The following ZDHHC20 variants were observed in gnomAD, a reference collection of about 807,000 sequenced individuals.
The protein encoded by ZDHHC20 is zDHHC palmitoyltransferase 20.
A neutral mutation model predicts 57.8 loss-of-function variants in ZDHHC20; 43 were observed. That is an observed-to-expected ratio of 0.74 (90% CI 0.58 to 0.96). ZDHHC20 has a LOEUF of 0.96. Ranked by LOEUF, ZDHHC20 falls within the 40% of genes least tolerant of loss-of-function variation. The pLI is 0.00. For missense variants in ZDHHC20, 391 were observed against 441.1 expected (o/e 0.89, Z 1.02); for synonymous variants, 157 against 153.0 (o/e 1.03, Z -0.19).
intron 3 of ZDHHC20, among the ~76,000 whole-genome samples, chr13:21,416,794 C>G (rs1395693837): frequency 6.6e-6 from 1 of 152,132 alleles, no homozygotes; most frequent in Non-Finnish European, 1.5e-5. Context: ...GAAAATAGTA[C>G]AGTATATTCA....
intron 1 of ZDHHC20, among the ~76,000 whole-genome samples, chr13:21,448,400 C>T (rs1593283622): frequency 1.7e-5 from 2 of 114,948 alleles, no homozygotes; most frequent in African/African-American, 5.9e-5. Flanking sequence ...CCAGCCGCCC[C>T]GTCCGGGAGG....
At chr13:21,378,762 A>G in intron 11 of ZDHHC20, 24 bp from the exon 12 acceptor site, 2 of 1,164,198 alleles carry the variant, frequency 1.7e-6, no homozygotes, top group South Asian at 2.3e-5. Context: ...ATTATATATG[A>G]CATGACAAAA....
In ZDHHC20 at chr13:21,416,545, C is replaced by T. The variant is rs1469732096; in HGVS notation, c.250-2773G>A. On this transcript the variant is annotated intron_variant, in intron 3 of 12. Transcript: ENST00000400590. ...CCTTCAAAAAGTATATTTCTATAGT[C>T]TAGTAAGAGAGCCATATAAACAAAG... Among the ~76,000 whole-genome samples, 3 of 152,040 alleles carry T rather than the reference C, an allele frequency of 2.0e-5. No individual in the cohort carries two copies. The East Asian group carries it at 5.8e-4, about 29-fold the overall frequency.
At chr13:21,404,385 A>G (rs1357561499) in intron 4 of ZDHHC20, 10 of 469,066 alleles carry the variant, frequency 2.1e-5, no homozygotes, top group South Asian at 1.4e-4. Context: ...GATCTTTCAA[A>G]CTCAATTTGT....
chr13:21,425,416 T>C (rs1881140224), intron 2 of ZDHHC20, among the ~76,000 whole-genome samples: 1 of 152,078 alleles, frequency 6.6e-6, no homozygotes, highest in African/African-American at 2.4e-5. Flanking sequence ...GTACTAGGTG[T>C]TGTACAAAAT....
At chr13:21,390,665 C>T (rs529245789) in intron 8 of ZDHHC20, among the ~76,000 whole-genome samples, 5 of 152,046 alleles carry the variant, frequency 3.3e-5, no homozygotes, top group South Asian at 2.1e-4. Flanking sequence ...TTTGGGAGGC[C>T]GAAGTGGGAG....
In ZDHHC20 at chr13:21,387,507, C is replaced by T. The variant is rs755949841; in HGVS notation, c.854+1G>A. ...TCTGAGACCCACATTTTATAAATTA[C>T]CTTGAAAATATTGGAAGTAGCCAAT... On this transcript the variant is annotated splice_donor_variant, in intron 9 of 12. Transcript: ENST00000400590. LOFTEE classifies it high-confidence loss of function. 8.6e-6 allele frequency: 13 copies of T among 1,517,302 alleles called. No individual in the cohort carries two copies. The highest frequency in any genetic ancestry group is 1.2e-5 in the Non-Finnish European group (13 of 1,130,366). 94.0% of individuals were successfully genotyped at this position (1,517,302 alleles called of 1,614,324 possible). A position where few individuals can be genotyped will look rare whatever the true frequency, so the allele number is the denominator to read the frequency against.
chr13:21,410,878 C>T (rs1879114127), intron 4 of ZDHHC20, among the ~76,000 whole-genome samples: 1 of 152,178 alleles, frequency 6.6e-6, no homozygotes, highest in South Asian at 2.1e-4. Context: ...ACAGTTCTGT[C>T]TTGCTGGCGT....
rs533009336 is a variant in ZDHHC20 at position 21,433,986 on chromosome 13, T to G, written c.119-8308A>C. ...TTTTTTATTGACCTTGTATGCTGGC[T>G]CAATTCACTTTTCGGTTCTAGTAGC... On this transcript the variant is annotated intron_variant, in intron 1 of 12. Coordinates refer to ENST00000400590, the MANE Select transcript of ZDHHC20 (RefSeq NM_001330059.2). Among the ~76,000 whole-genome samples the G allele has an allele frequency of 1.3e-4, 20 of 152,316 alleles. No individual in the cohort carries two copies. In the South Asian group the frequency reaches 1.9e-3, roughly 14 times the overall value.
Position 21,456,677 on chromosome 13 carries a change from G to A in ZDHHC20, c.118+2377C>T, listed in dbSNP as rs200408175. ...CCCAAATTCTCTCTAGTTAAAATGA[G>A]ATAACTCAGAAGTTAATACAGCCTC... On this transcript the variant is annotated intron_variant, in intron 1 of 12. Coordinates refer to ENST00000400590, the MANE Select transcript of ZDHHC20 (RefSeq NM_001330059.2). Among the ~76,000 whole-genome samples the A allele has an allele frequency of 3.9e-5, 6 of 152,258 alleles. No individual in the cohort carries two copies. In the East Asian group the frequency reaches 1.2e-3, roughly 29 times the overall value.
At chr13:21,393,025 C>G (rs1409610774) in intron 7 of ZDHHC20, among the ~76,000 whole-genome samples, 1 of 152,112 alleles carries the variant, frequency 6.6e-6, no homozygotes, top group African/African-American at 2.4e-5. Context: ...TATTAAGAAA[C>G]CAATTTTTAT....
chr13:21,373,603 G>A lies in ZDHHC20; in HGVS notation c.*3093C>T, dbSNP rs1186182029. 6.6e-6 allele frequency: 1 copy of A among 152,200 alleles called. No homozygotes were observed. The highest frequency in any genetic ancestry group is 2.4e-5 in the African/African-American group (1 of 41,450). The allele number at this position is 152,200 out of a possible 1,614,324, so 9.4% of individuals were successfully genotyped here. The stretch of plus-strand genomic sequence containing the variant: ...GAATATTCAAGTAAATTTGTTCCCA[G>A]GTAAACCAAGTCTCCTAATTTGTCT... On this transcript the variant is annotated 3_prime_UTR_variant, in exon 13 of 13. Coordinates refer to ENST00000400590, the MANE Select transcript of ZDHHC20 (RefSeq NM_001330059.2).
rs756754564 is a variant in ZDHHC20 at position 21,376,410 on chromosome 13, GGTAA to G, written c.*282_*285del. 1 of 294,178 alleles carries G rather than the reference GGTAA, an allele frequency of 3.4e-6. No homozygotes were observed. Among genetic ancestry groups the G allele is most frequent in the Non-Finnish European group, 6.4e-6 (1 of 155,572 alleles). The allele number at this position is 294,178 out of a possible 1,614,324, so 18.2% of individuals were successfully genotyped here. On this transcript the variant is annotated 3_prime_UTR_variant, in exon 13 of 13. Transcript: ENST00000400590. ...GCTCATATTATAGCAACTCATAACAGGTAAGTATTATTTCCAGAATAACATTAAG... is the reference window on the plus strand; with the variant it reads ...GCTCATATTATAGCAACTCATAACAGGTATTATTTCCAGAATAACATTAAG...
intron 1 of ZDHHC20, among the ~76,000 whole-genome samples, chr13:21,434,495 AAAAT>A (rs764285804): frequency 3.9e-5 from 6 of 152,372 alleles, no homozygotes; most frequent in Non-Finnish European, 8.8e-5. Flanking sequence ...GGTCCACAAG[AAAAT>A]AAATATTTAA....
At chr13:21,413,290 T>C (rs1879482050) in intron 4 of ZDHHC20, among the ~76,000 whole-genome samples, 1 of 152,112 alleles carries the variant, frequency 6.6e-6, no homozygotes, top group Non-Finnish European at 1.5e-5. Context: ...AGCACACTTT[T>C]GGATTTTTTT....
intron 8 of ZDHHC20, among the ~76,000 whole-genome samples, 165 bp downstream of exon 8, chr13:21,391,557 C>T (rs1471523463): frequency 4.7e-5 from 7 of 150,350 alleles, no homozygotes; most frequent in Admixed American, 4.6e-4. Context: ...GGGGATTCTC[C>T]CGCCTCTGTC....
At chr13:21,389,494 T>C (rs1875245887) in intron 8 of ZDHHC20, among the ~76,000 whole-genome samples, 1 of 152,258 alleles carries the variant, frequency 6.6e-6, no homozygotes, top group Admixed American at 6.5e-5. Flanking sequence ...GCTTGTTTTA[T>C]TTATATAATT....
rs1283820709 is a variant in ZDHHC20 at position 21,448,655 on chromosome 13, C to T, written c.118+10399G>A. ...CCGGGAGGTGAGGGGCGCCTCTGCC[C>T]GGCTGCCCCTACTGGGAAGTGAGGA... On this transcript the variant is annotated intron_variant, in intron 1 of 12. Coordinates refer to ENST00000400590, the MANE Select transcript of ZDHHC20 (RefSeq NM_001330059.2). 2.0e-5 allele frequency among the ~76,000 whole-genome samples: 2 copies of T among 99,128 alleles called. 1 individual carries two copies. The allele number at this position is 99,128 out of a possible 152,430, so 65.0% of individuals were successfully genotyped here.
At chr13:21,450,271 G>A (rs755389644) in intron 1 of ZDHHC20, among the ~76,000 whole-genome samples, 1 of 152,056 alleles carries the variant, frequency 6.6e-6, no homozygotes, top group Non-Finnish European at 1.5e-5. Flanking sequence ...CTTCTCTGCC[G>A]GAAAGGGAGC....
Sources: gnomAD v4.1 joint callset for allele counts (sites outside exome capture counted in the v4.1 genomes callset) on GRCh38, gnomAD v4.1.1 for gene constraint, MANE v1.5 for transcripts, NCBI Gene and HGNC (gene_info 2026-07-23, HGNC 2026-07-21) for gene names.